The following ZMPSTE24 variants were observed in gnomAD, a reference collection of about 807,000 sequenced individuals.
ZMPSTE24 encodes the protein zinc metallopeptidase STE24, also known as CAAX prenyl protease 1 homolog.
A neutral mutation model predicts 56.7 loss-of-function variants in ZMPSTE24; 48 were observed. The ratio of observed to expected loss-of-function variants is 0.85; its 90% CI spans 0.67 to 1.08. The LOEUF (loss-of-function observed/expected upper bound fraction) is 1.08, where lower values mean the gene tolerates loss of function less well. Among genes scored for constraint, ZMPSTE24 ranks in the 50% least tolerant of loss-of-function variants. The probability of loss-of-function intolerance (pLI) is 0.00; values close to 1 mark genes in which losing one functional copy is unlikely to be tolerated. For missense variants in ZMPSTE24, 503 were observed against 548.7 expected (o/e 0.92, Z 0.83); for synonymous variants, 172 against 195.2 (o/e 0.88, Z 0.99).
At chr1:40,272,285 A>G (rs978051424) in intron 6 of ZMPSTE24, among the ~76,000 whole-genome samples, 1 of 152,170 alleles carries the variant, frequency 6.6e-6, no homozygotes, top group Non-Finnish European at 1.5e-5. Context: ...GTTTGGTTTT[A>G]CAGTATTGTT....
chr1:40,265,776 C>T (rs951400883), intron 2 of ZMPSTE24, among the ~76,000 whole-genome samples: 2 of 152,136 alleles, frequency 1.3e-5, no homozygotes, highest in Non-Finnish European at 2.9e-5. Context: ...CTGCTGGGCC[C>T]CACTTCCAGC....
At chr1:40,287,068 C>T (rs1643795482) in intron 8 of ZMPSTE24, among the ~76,000 whole-genome samples, 1 of 149,514 alleles carries the variant, frequency 6.7e-6, no homozygotes, top group Non-Finnish European at 1.5e-5. Context: ...TTTTCTTTTT[C>T]TTTTCTTTTT....
intron 2 of ZMPSTE24, among the ~76,000 whole-genome samples, chr1:40,264,315 C>T (rs549729217): frequency 6.6e-6 from 1 of 152,112 alleles, no homozygotes; most frequent in South Asian, 2.1e-4. Flanking sequence ...GCCTGGGTGA[C>T]AGAGTGAGAC....
chr1:40,288,141 G>C (rs150204142), intron 8 of ZMPSTE24, among the ~76,000 whole-genome samples: 1,823 of 152,082 alleles, frequency 0.012, 36 homozygotes, highest in African/African-American at 0.042. Flanking sequence ...TCACACCACT[G>C]CACTTCCAGC....
intron 6 of ZMPSTE24, among the ~76,000 whole-genome samples, chr1:40,273,873 A>G (rs1307771346): frequency 4.6e-5 from 7 of 152,166 alleles, no homozygotes; most frequent in African/African-American, 1.7e-4. Flanking sequence ...TCAATAGAAT[A>G]TGTGAAATAT....
At chr1:40,282,705 C>G (rs113441683) in intron 7 of ZMPSTE24, among the ~76,000 whole-genome samples, 1 of 152,178 alleles carries the variant, frequency 6.6e-6, no homozygotes, top group Admixed American at 6.5e-5. Context: ...TCAAGCCCCA[C>G]GCTATTTTTT....
intron 7 of ZMPSTE24, among the ~76,000 whole-genome samples, chr1:40,283,826 T>C (rs1481689636): frequency 6.6e-6 from 1 of 152,152 alleles, no homozygotes; most frequent in African/African-American, 2.4e-5. Context: ...CTGGATTTGT[T>C]ATACTGAACT....
Position 40,285,997 on chromosome 1 carries a change from G to A in ZMPSTE24, c.1027G>A (p.Gly343Arg), listed in dbSNP as rs1643783370. 2 of 1,613,826 alleles carry A rather than the reference G, an allele frequency of 1.2e-6. No homozygotes were observed. The highest frequency in any genetic ancestry group is 2.2e-5 in the South Asian group (2 of 91,064). Residue 343 changes from glycine (G) to arginine (R), a missense_variant, in exon 8 of 10, where the codon GGA (glycine) becomes AGA (arginine). Transcript: ENST00000372759. ...CCATGAACTGGGGCACTGGAAGTTGGGACATACAGTCAAAAATATCATTAT... is the reference window on the plus strand; with the variant it reads ...CCATGAACTGGGGCACTGGAAGTTGAGACATACAGTCAAAAATATCATTAT... ...LGHELGHWKL[G>R]HTVKNIIISQ...
At chr1:40,288,943 C>T (rs1399938684) in intron 8 of ZMPSTE24, among the ~76,000 whole-genome samples, 1 of 152,116 alleles carries the variant, frequency 6.6e-6, no homozygotes, top group Non-Finnish European at 1.5e-5. Context: ...GTTCACCTCA[C>T]CGAGAGTAAT....
In ZMPSTE24 at chr1:40,269,551, C is replaced by A. The variant is rs1228770798; in HGVS notation, c.475-424C>A. On this transcript the variant is annotated intron_variant, in intron 4 of 9. Transcript: ENST00000372759. The stretch of plus-strand genomic sequence containing the variant: ...CATGGCTCACTGTAGCCACGACCTT[C>A]CAGATTCAAGCAATCCTCCCACCTC... Among the ~76,000 whole-genome samples the A allele has an allele frequency of 3.3e-4, 50 of 152,146 alleles. 1 individual carries two copies. The highest frequency in any genetic ancestry group is 8.8e-5 in the Non-Finnish European group (6 of 68,020).
At chr1:40,291,019 T>TTTA (rs1643838198) in intron 9 of ZMPSTE24, 22 bp downstream of exon 9, 1 of 1,612,604 alleles carries the variant, frequency 6.2e-7, no homozygotes, top group Admixed American at 1.7e-5. Context: ...TCTTTAAAAT[T>TTTA]ATCACACATA....
At position 40,272,169 on chromosome 1, in the gene ZMPSTE24, G is replaced by A. The variant is rs1369390095; in HGVS notation, c.769+134G>A. On this transcript the variant is annotated intron_variant, in intron 6 of 9. Coordinates refer to ENST00000372759, the MANE Select transcript of ZMPSTE24 (RefSeq NM_005857.5). ...TTAAAATTTGTTATTTAAAGGCTAG[G>A]AGTTTACCTTTTGGCTTTTTAAGAT... 5 of 1,040,084 alleles carry A rather than the reference G, an allele frequency of 4.8e-6. No individual in the cohort carries two copies. The African/African-American group carries it at 8.2e-5, about 17-fold the overall frequency. The allele number at this position is 1,040,084 out of a possible 1,614,324, so 64.4% of individuals were successfully genotyped here. A position where few individuals can be genotyped will look rare whatever the true frequency, so the allele number is the denominator to read the frequency against.
chr1:40,281,279 A>C (rs1287243593), intron 6 of ZMPSTE24, 64 bp from the exon 7 acceptor site: 5 of 1,443,792 alleles, frequency 3.5e-6, no homozygotes. Flanking sequence ...AATTTCTAGG[A>C]GTCTCTCCAA....
chr1:40,292,498 T>C lies in ZMPSTE24; in HGVS notation c.1257T>C (p.Asp419=), dbSNP rs983738046. 8.7e-6 allele frequency: 14 copies of C among 1,614,166 alleles called. No individual in the cohort carries two copies. The highest frequency in any genetic ancestry group is 9.3e-6 in the Non-Finnish European group (11 of 1,180,024). Residue 419 remains aspartate (D), a synonymous_variant, in exon 10 of 10, where the codon GAT becomes GAC. Coordinates refer to ENST00000372759, the MANE Select transcript of ZMPSTE24 (RefSeq NM_005857.5). ...VLSRRFEFQA[D]AFAKKLGKAK... is the part of the protein sequence containing the mutation. Reference sequence around the variant, plus strand: ...GCCGCAGATTTGAGTTTCAAGCTGATGCATTTGCCAAGAAACTTGGGAAGG... The same window carrying C: ...GCCGCAGATTTGAGTTTCAAGCTGACGCATTTGCCAAGAAACTTGGGAAGG...
At chr1:40,276,263 G>A (rs1273546148) in intron 6 of ZMPSTE24, among the ~76,000 whole-genome samples, 9 of 152,184 alleles carry the variant, frequency 5.9e-5, no homozygotes, top group Admixed American at 6.5e-5. Context: ...GTTTTAGGGC[G>A]AGGTCAGCGC....
Position 40,270,783 on chromosome 1 carries a change from T to G in ZMPSTE24, c.627+656T>G, listed in dbSNP as rs1643606508. 3.3e-5 allele frequency among the ~76,000 whole-genome samples: 5 copies of G among 152,152 alleles called. No individual in the cohort carries two copies. The South Asian group carries it at 1.0e-3, about 32-fold the overall frequency. On this transcript the variant is annotated intron_variant, in intron 5 of 9. Coordinates refer to ENST00000372759, the MANE Select transcript of ZMPSTE24 (RefSeq NM_005857.5). ...TCCTATTCCTCTTCTCTTTCCATAC[T>G]CTCAAGTGCTTCACAACACAAACAC...
chr1:40,289,680 AAG>A (rs1409583049), intron 8 of ZMPSTE24, among the ~76,000 whole-genome samples: 1 of 152,200 alleles, frequency 6.6e-6, no homozygotes, highest in East Asian at 1.9e-4. Flanking sequence ...TGCACAGAAA[AAG>A]AATGTTGTGT....
chr1:40,272,020 G>A lies in ZMPSTE24; in HGVS notation c.754G>A (p.Val252Met). 6.2e-7 allele frequency: 1 copy of A among 1,609,772 alleles called. No individual in the cohort carries two copies. The highest frequency in any genetic ancestry group is 1.1e-5 in the South Asian group (1 of 90,166). Residue 252 changes from valine (V) to methionine (M), a missense_variant, in exon 6 of 10, where the codon GTG (valine) becomes ATG (methionine). Val to Met is a conservative substitution (Grantham distance 21, BLOSUM62 1). Coordinates refer to ENST00000372759, the MANE Select transcript of ZMPSTE24 (RefSeq NM_005857.5). ...GAGTATTGACTTTCCTTTGACGAAG[G>A]TGTATGTTGTGGAAGGTAAGGCTAC... ...AKSIDFPLTK[V>M]YVVEGSKRSS...
At chr1:40,260,359 C>T (rs1477227528) in intron 1 of ZMPSTE24, among the ~76,000 whole-genome samples, 1 of 152,168 alleles carries the variant, frequency 6.6e-6, no homozygotes, top group African/African-American at 2.4e-5. Flanking sequence ...CCGTGCCCGG[C>T]TGAAAATTGG....
Sources: gnomAD v4.1 joint callset for allele counts (sites outside exome capture counted in the v4.1 genomes callset) on GRCh38, gnomAD v4.1.1 for gene constraint, MANE v1.5 for transcripts, NCBI Gene and HGNC (gene_info 2026-07-23, HGNC 2026-07-21) for gene names.